The following ZNF652 variants were observed in gnomAD, a reference collection of about 807,000 sequenced individuals.
ZNF652 encodes the protein zinc finger protein 652.
In ZNF652, 16 loss-of-function variants were observed where a neutral mutation model predicts 45.2. The ratio of observed to expected loss-of-function variants is 0.35; its 90% CI spans 0.24 to 0.54. ZNF652 has a LOEUF of 0.54. ZNF652 is among the 20% of genes least tolerant of loss of function. The pLI is 0.91. For missense variants in ZNF652, 614 were observed against 765.6 expected, an observed-to-expected ratio of 0.80 and a Z score of 2.34; for synonymous variants, 250 against 260.6, an observed-to-expected ratio of 0.96 and a Z score of 0.39.
downstream of ZNF652, among the ~76,000 whole-genome samples, chr17:49,288,836 T>C (rs2069366637): frequency 6.6e-6 from 1 of 152,240 alleles, no homozygotes; most frequent in East Asian, 1.9e-4. Context: ...GCTGTTTCCA[T>C]CTGTGTTGAT....
At chr17:49,325,053 A>T (rs1160908919) in intron 1 of ZNF652, among the ~76,000 whole-genome samples, 1 of 152,122 alleles carries the variant, frequency 6.6e-6, no homozygotes, top group Non-Finnish European at 1.5e-5. Flanking sequence ...CTGGGGTAGC[A>T]CTTTTAAATT....
chr17:49,301,259 A>G (rs1416288389), intron 5 of ZNF652, among the ~76,000 whole-genome samples: 1 of 152,092 alleles, frequency 6.6e-6, no homozygotes, highest in Non-Finnish European at 1.5e-5. Flanking sequence ...CTCCATAACT[A>G]TCAGTATTAT....
At chr17:49,308,692 C>T (rs2069665660) in intron 5 of ZNF652, among the ~76,000 whole-genome samples, 1 of 151,626 alleles carries the variant, frequency 6.6e-6, no homozygotes, top group African/African-American at 2.4e-5. Flanking sequence ...GTCCCAACTA[C>T]TTGGGAGGTT....
chr17:49,291,997 C>A lies in ZNF652; in HGVS notation c.*6416G>T, dbSNP rs1249356866. On this transcript the variant is annotated 3_prime_UTR_variant, in exon 6 of 6. Coordinates refer to ENST00000430262, the MANE Select transcript of ZNF652 (RefSeq NM_001145365.3). ...CTCACCAATAATATCTTTCCTGTTG[C>A]CAGACAGGAAAGATGGAGAATGTAT... is the stretch of plus-strand genomic sequence containing the variant. Among the ~76,000 whole-genome samples the A allele has an allele frequency of 6.6e-6, 1 of 152,080 alleles. No individual in the cohort carries two copies. Among genetic ancestry groups the A allele is most frequent in the Non-Finnish European group, 1.5e-5 (1 of 68,026 alleles).
At position 49,298,120 on chromosome 17, in the gene ZNF652, T is replaced by C. The variant is rs1020644455; in HGVS notation, c.*293A>G. 1.9e-5 allele frequency: 8 copies of C among 413,042 alleles called. No individual in the cohort carries two copies. The highest frequency in any genetic ancestry group is 1.0e-4 in the African/African-American group (5 of 49,042). 25.6% of individuals were successfully genotyped at this position (413,042 alleles called of 1,614,324 possible). The stretch of plus-strand genomic sequence containing the variant: ...AGCAAGCATACCTCATCAGCTGATA[T>C]GAAATTATAAAATTCCACAAGTCTG... On this transcript the variant is annotated 3_prime_UTR_variant, in exon 6 of 6. Coordinates refer to ENST00000430262, the MANE Select transcript of ZNF652 (RefSeq NM_001145365.3).
intron 1 of ZNF652, among the ~76,000 whole-genome samples, chr17:49,348,227 G>GT (rs2070227762): frequency 6.6e-6 from 1 of 151,958 alleles, no homozygotes; most frequent in African/African-American, 2.4e-5. Flanking sequence ...GCATGGTGGC[G>GT]TATGTCTAAC....
chr17:49,348,773 T>G (rs2070239314), intron 1 of ZNF652, among the ~76,000 whole-genome samples: 1 of 152,050 alleles, frequency 6.6e-6, no homozygotes, highest in Non-Finnish European at 1.5e-5. Context: ...GGAAGTGTAG[T>G]GAGTGTAGCA....
At chr17:49,347,165 C>CA (rs2070213427) in intron 1 of ZNF652, among the ~76,000 whole-genome samples, 1 of 152,102 alleles carries the variant, frequency 6.6e-6, no homozygotes, top group African/African-American at 2.4e-5. Flanking sequence ...AAATGAAGGG[C>CA]AAAAATCATT....
chr17:49,300,824 TG>T (rs2069542701), intron 5 of ZNF652, among the ~76,000 whole-genome samples: 1 of 152,194 alleles, frequency 6.6e-6, no homozygotes, highest in Admixed American at 6.5e-5. Context: ...CTATTAACCT[TG>T]GTGATCTTCA....
At chr17:49,307,418 G>A (rs565588313) in intron 5 of ZNF652, among the ~76,000 whole-genome samples, 172 of 125,222 alleles carry the variant, frequency 1.4e-3, no homozygotes, top group African/African-American at 4.8e-3. Context: ...GCAACAGAGT[G>A]AGACTCTGTC....
intron 2 of ZNF652, among the ~76,000 whole-genome samples, chr17:49,313,973 C>CAAAAAAAAAAAAAAAAAAAAAAGAAA (rs2069757484): frequency 4.4e-5 from 1 of 22,866 alleles, no homozygotes; most frequent in Non-Finnish European, 7.3e-5. Flanking sequence ...AACTCCATCT[C>CAAAAAAAAAAAAAAAAAAAAAAGAAA]AAAAAAAAAA....
intron 5 of ZNF652, among the ~76,000 whole-genome samples, chr17:49,303,572 A>G (rs369398063): frequency 2.6e-5 from 4 of 152,198 alleles, no homozygotes; most frequent in African/African-American, 4.8e-5. Context: ...AATATGATTT[A>G]CTTGTACAAT....
intron 1 of ZNF652, among the ~76,000 whole-genome samples, chr17:49,361,420 G>A (rs1443446799): frequency 6.6e-6 from 1 of 152,198 alleles, no homozygotes; most frequent in African/African-American, 2.4e-5. Flanking sequence ...GGCTGCCGGT[G>A]GCGGGTGTAC....
In ZNF652 at chr17:49,297,686, T is replaced by C. The variant is rs1043312199; in HGVS notation, c.*727A>G. 2 of 152,638 alleles carry C rather than the reference T, an allele frequency of 1.3e-5. No homozygotes were observed. Among genetic ancestry groups the C allele is most frequent in the Non-Finnish European group, 2.9e-5 (2 of 68,050 alleles). 9.5% of individuals were successfully genotyped at this position (152,638 alleles called of 1,614,324 possible). On this transcript the variant is annotated 3_prime_UTR_variant, in exon 6 of 6. Coordinates refer to ENST00000430262, the MANE Select transcript of ZNF652 (RefSeq NM_001145365.3). ...TAAGAATAGCTTTGAATTATAGAAG[T>C]TATATGCATCTTTAAGAATCACATT... is the stretch of plus-strand genomic sequence containing the variant.
At chr17:49,323,674 G>C (rs954788013) in intron 1 of ZNF652, among the ~76,000 whole-genome samples, 2 of 152,168 alleles carry the variant, frequency 1.3e-5, no homozygotes, top group African/African-American at 4.8e-5. Flanking sequence ...GCCACAGAAT[G>C]AATGTTAAAT....
Position 49,317,277 on chromosome 17 carries a change from C to G in ZNF652, c.449G>C (p.Ser150Thr), listed in dbSNP as rs2069821260. The G allele has an allele frequency of 2.5e-6, 4 of 1,612,702 alleles. No individual in the cohort carries two copies. The South Asian group carries it at 4.4e-5, about 18-fold the overall frequency. ...ACTCTCTTCCTCTTCCTCCTCACTG[C>G]TTGTCTTAAGAACAGGAGTCTCTTT... The part of the protein sequence containing the change: ...QSKETPVLKT[S>T]SEEEEEESEE... Residue 150 changes from serine (S) to threonine (T), a missense_variant, in exon 2 of 6, where the codon AGC (serine) becomes ACC (threonine). Ser to Thr is a moderately conservative substitution (Grantham distance 58, BLOSUM62 1). Around this residue, in one of 5 missense-constraint regions of ZNF652, gnomAD observed 262 missense variants for 306.3 expected, o/e 0.86. Transcript: ENST00000430262.
rs866391917 is a variant in ZNF652, at chr17:49,358,204, C to T, written c.-259+3705G>A. ...ATCATAAGACCAGTAAACAGTGGAG[C>T]GGGGGTTTTAAATCGAGTTATGCCT... is the stretch of plus-strand genomic sequence containing the variant. On this transcript the variant is annotated intron_variant, in intron 1 of 5. Transcript: ENST00000430262. Among the ~76,000 whole-genome samples the T allele has an allele frequency of 5.9e-5, 9 of 152,122 alleles. 1 individual carries two copies. Among genetic ancestry groups the T allele is most frequent in the African/African-American group, 1.2e-4 (5 of 41,426 alleles).
At chr17:49,355,265 T>C (rs991701702) in intron 1 of ZNF652, among the ~76,000 whole-genome samples, 5 of 152,192 alleles carry the variant, frequency 3.3e-5, no homozygotes, top group South Asian at 2.1e-4. Flanking sequence ...GATTGTGATT[T>C]CAATATTATG....
At chr17:49,348,520 A>AAAAGAAAAGG (rs2070235035) in intron 1 of ZNF652, among the ~76,000 whole-genome samples, 1 of 140,240 alleles carries the variant, frequency 7.1e-6, no homozygotes, top group Non-Finnish European at 1.6e-5. Flanking sequence ...AAAAGAAAAG[A>AAAAGAAAAGG]AAAGAAAAGA....
Sources: allele counts gnomAD v4.1 joint callset (sites outside exome capture counted in the v4.1 genomes callset), GRCh38; gene constraint gnomAD v4.1.1; regional missense constraint gnomAD v4.1.1; transcripts MANE v1.5; gene names NCBI Gene and HGNC (gene_info 2026-07-23, HGNC 2026-07-21).